Variants in WDR75 observed in about 807,000 individuals in gnomAD.
The protein encoded by WDR75 is WD repeat-containing protein 75.
In WDR75, 52 loss-of-function variants were observed where a neutral mutation model predicts 106.1. The observed-to-expected ratio is 0.49, with a 90% CI of 0.39 to 0.62. WDR75 has a LOEUF of 0.62. WDR75 is among the 20% of genes least tolerant of loss of function. The pLI, the probability that WDR75 is intolerant of heterozygous loss-of-function variation, is 0.00. For synonymous variants in WDR75, 333 were observed against 335.5 expected, an observed-to-expected ratio of 0.99 and a Z score of 0.08; for missense variants, 905 against 970.3, an observed-to-expected ratio of 0.93 and a Z score of 0.89.
intron 1 of WDR75, among the ~76,000 whole-genome samples, chr2:189,446,907 A>G (rs975231005): frequency 6.6e-6 from 1 of 152,232 alleles, no homozygotes; most frequent in African/African-American, 2.4e-5. Context: ...TTACTTGAAC[A>G]TAAGTACTTC....
rs1310656578 is a variant in WDR75 at position 189,469,374 on chromosome 2, T to G, written c.1754T>G (p.Val585Gly). Reference protein sequence around the residue: ...LEWNAKLNVRVMEPDPNSENI... With the variant: ...LEWNAKLNVRGMEPDPNSENI... ...TGGAATGCAAAATTAAATGTTAGAG[T>G]TATGGAACCCGATCCTAATTCAGAG... The change falls in exon 16 of 21, where the codon GTT (valine) becomes GGT (glycine). Residue 585 changes from valine to glycine, a missense_variant. Val to Gly is a moderately radical substitution (Grantham distance 109). Coordinates refer to ENST00000314761, the MANE Select transcript of WDR75 (RefSeq NM_032168.3). The G allele has an allele frequency of 2.5e-6, 4 of 1,613,540 alleles. No individual in the cohort carries two copies. In the South Asian group the frequency reaches 4.4e-5, roughly 18 times the overall value.
intron 18 of WDR75, 147 bp downstream of exon 18, chr2:189,471,025 A>G (rs191765842): frequency 8.7e-5 from 36 of 414,528 alleles, no homozygotes; most frequent in African/African-American, 6.0e-4. Context: ...GTGTCTCTTG[A>G]AAGTTTTAGT....
intron 1 of WDR75, among the ~76,000 whole-genome samples, chr2:189,447,332 G>A (rs1382530806): frequency 6.6e-6 from 1 of 152,166 alleles, no homozygotes; most frequent in Admixed American, 6.5e-5. Flanking sequence ...CTACATGGAA[G>A]AAATCCACAA....
At chr2:189,448,188 T>G (rs1686539982) in intron 1 of WDR75, among the ~76,000 whole-genome samples, 191 bp from the exon 2 acceptor site, 1 of 152,166 alleles carries the variant, frequency 6.6e-6, no homozygotes, top group South Asian at 2.1e-4. Flanking sequence ...AGGTTTTGAA[T>G]GAGATATGTA....
In WDR75 at chr2:189,466,472, C is replaced by T; in HGVS notation, c.1337C>T (p.Thr446Ile). The change falls in exon 13 of 21, where the codon ACA (threonine) becomes ATA (isoleucine). Residue 446 changes from threonine to isoleucine, a missense_variant. Coordinates refer to ENST00000314761, the MANE Select transcript of WDR75 (RefSeq NM_032168.3). The stretch of plus-strand genomic sequence containing the variant: ...AACATGCCACACGAAGACTGCATTA[C>T]AGCTCTCTGTTTCTGTAATGCAGAA... ...KINMPHEDCI[T>I]ALCFCNAEKS... 1 of 1,613,242 alleles carries T rather than the reference C, an allele frequency of 6.2e-7. No individual in the cohort carries two copies. The highest frequency in any genetic ancestry group is 8.5e-7 in the Non-Finnish European group (1 of 1,179,434).
At chr2:189,460,400 A>G (rs893479203) in intron 8 of WDR75, among the ~76,000 whole-genome samples, 8 of 152,128 alleles carry the variant, frequency 5.3e-5, no homozygotes, top group African/African-American at 7.2e-5. Context: ...TATGGAGACA[A>G]TGTAGGCTGC....
intron 11 of WDR75, chr2:189,464,181 GTC>G (rs1359117508): frequency 3.9e-6 from 2 of 515,590 alleles, no homozygotes; most frequent in African/African-American, 3.9e-5. Context: ...TGTACGTGCT[GTC>G]TCTGTCTTTT....
intron 1 of WDR75, among the ~76,000 whole-genome samples, chr2:189,443,404 G>C (rs1686428331): frequency 6.6e-6 from 1 of 152,316 alleles, no homozygotes; most frequent in Non-Finnish European, 1.5e-5. Flanking sequence ...AAGGGAGGTA[G>C]TGGGAAATGA....
At chr2:189,462,403 A>T in intron 8 of WDR75, 81 bp from the exon 9 acceptor site, 1 of 1,524,244 alleles carries the variant, frequency 6.6e-7, no homozygotes, top group South Asian at 1.2e-5. Flanking sequence ...ACGGTAGCAA[A>T]AACAAAAGTG....
chr2:189,459,788 T>C (rs1686822809), intron 8 of WDR75, among the ~76,000 whole-genome samples: 1 of 152,218 alleles, frequency 6.6e-6, no homozygotes, highest in Non-Finnish European at 1.5e-5. Flanking sequence ...GATTTAATCA[T>C]TGGCCGTAGG....
At chr2:189,457,280 G>T in intron 5 of WDR75, 31 bp from the exon 6 acceptor site, 2 of 1,398,086 alleles carry the variant, frequency 1.4e-6, no homozygotes, top group Non-Finnish European at 2.0e-6. Context: ...GACTATTTTT[G>T]TGAATGTTTA....
chr2:189,449,926 G>A (rs1248828854), intron 2 of WDR75: 1 of 983,604 alleles, frequency 1.0e-6, no homozygotes, highest in Non-Finnish European at 1.2e-6. Context: ...AACATTATAA[G>A]CAAAGTATTT....
chr2:189,457,290 A>G (rs1686759989), intron 5 of WDR75, 21 bp from the exon 6 acceptor site: 1 of 1,501,526 alleles, frequency 6.7e-7, no homozygotes, highest in Middle Eastern at 1.7e-4. Flanking sequence ...GTGAATGTTT[A>G]TCTTCTTTTT....
At chr2:189,463,630 C>T in intron 9 of WDR75, 64 bp from the exon 10 acceptor site, 1 of 1,546,030 alleles carries the variant, frequency 6.5e-7, no homozygotes, top group South Asian at 1.1e-5. Context: ...CACCCTGAGC[C>T]ACAGGTTGGA....
chr2:189,469,940 T>A, intron 16 of WDR75, 136 bp from the exon 17 acceptor site: 1 of 748,894 alleles, frequency 1.3e-6, no homozygotes. Context: ...ACCTCTTGAA[T>A]CAAAGCCTAA....
chr2:189,445,096 G>C (rs1320151017), intron 1 of WDR75, among the ~76,000 whole-genome samples: 1 of 152,170 alleles, frequency 6.6e-6, no homozygotes, highest in South Asian at 2.1e-4. Flanking sequence ...AGTGCTTGCT[G>C]TGTATGCTAA....
At chr2:189,454,363 A>G (rs1189209654) in intron 4 of WDR75, among the ~76,000 whole-genome samples, 6 of 152,206 alleles carry the variant, frequency 3.9e-5, no homozygotes, top group African/African-American at 1.2e-4. Context: ...TTACCCTAAT[A>G]TTATGGCAGG....
intron 18 of WDR75, among the ~76,000 whole-genome samples, chr2:189,473,234 GAA>G (rs1574206369): frequency 6.6e-6 from 1 of 151,890 alleles, no homozygotes; most frequent in Admixed American, 6.6e-5. Context: ...AAAATTATAA[GAA>G]AGAGAAAAAT....
intron 17 of WDR75, among the ~76,000 whole-genome samples, chr2:189,470,468 CTG>C (rs749729071): frequency 2.0e-5 from 3 of 151,942 alleles, no homozygotes; most frequent in Admixed American, 6.6e-5. Flanking sequence ...TGTATTAACT[CTG>C]TGACAGCAAA....
Sources: allele counts gnomAD v4.1 joint callset (sites outside exome capture counted in the v4.1 genomes callset), GRCh38; gene constraint gnomAD v4.1.1; transcripts MANE v1.5; gene names NCBI Gene and HGNC (gene_info 2026-07-23, HGNC 2026-07-21).